SCAF4: variants seen among roughly 807,000 people sequenced by gnomAD.
The protein encoded by SCAF4 is SR-related CTD associated factor 4, also known as SR-related and CTD-associated factor 4.
Under a neutral mutation model 129.8 loss-of-function variants are expected in SCAF4, and 25 were observed. The ratio of observed to expected loss-of-function variants is 0.19; its 90% CI spans 0.14 to 0.27. The LOEUF is 0.27. Ranked by LOEUF, SCAF4 falls within the 10% of genes least tolerant of loss-of-function variation. The probability of loss-of-function intolerance (pLI) is 1.00; values close to 1 mark genes in which losing one functional copy is unlikely to be tolerated. For missense variants in SCAF4, 1,246 were observed against 1,457.1 expected (o/e 0.86, Z 2.36); for synonymous variants, 551 against 497.7 (o/e 1.11, Z -1.43).
chr21:31,671,588 G>A lies in SCAF4; in HGVS notation c.3255C>T (p.Asp1085=). The change falls in exon 20 of 20, where the codon GAC becomes GAT. Residue 1085 remains aspartate (D), a synonymous_variant. Coordinates refer to ENST00000286835, the MANE Select transcript of SCAF4 (RefSeq NM_020706.2). The part of the protein sequence containing the change: ...ARGKEKPEVT[D]RAGGNKTVEP... Reference sequence around the variant, plus strand: ...CAACGGTTTTGTTACCACCTGCCCTGTCTGTCACCTCAGGCTTTTCCTTTC... The same window carrying A: ...CAACGGTTTTGTTACCACCTGCCCTATCTGTCACCTCAGGCTTTTCCTTTC... 6 of 1,614,032 alleles carry A rather than the reference G, an allele frequency of 3.7e-6. No homozygotes were observed. Among genetic ancestry groups the A allele is most frequent in the South Asian group, 1.1e-5 (1 of 91,064 alleles).
chr21:31,702,148 C>T, intron 5 of SCAF4, 96 bp downstream of exon 5: 1 of 1,520,598 alleles, frequency 6.6e-7, no homozygotes, highest in Non-Finnish European at 9.0e-7. Flanking sequence ...AAGTTTCCTT[C>T]TTATAGAAAA....
At chr21:31,679,184 G>A (rs932445602) in intron 19 of SCAF4, among the ~76,000 whole-genome samples, 43 of 152,250 alleles carry the variant, frequency 2.8e-4, no homozygotes, top group African/African-American at 8.9e-4. Flanking sequence ...GTTCTTTGTT[G>A]CAGTTCCACC....
At chr21:31,694,071 C>T (rs1437503716) in intron 11 of SCAF4, 133 bp downstream of exon 11, 6 of 545,944 alleles carry the variant, frequency 1.1e-5, no homozygotes, top group South Asian at 2.9e-5. Context: ...CCCTTCTACA[C>T]ACATATACAA....
At chr21:31,703,272 T>C (rs940039549) in intron 4 of SCAF4, among the ~76,000 whole-genome samples, 3 of 152,142 alleles carry the variant, frequency 2.0e-5, no homozygotes, top group Non-Finnish European at 2.9e-5. Flanking sequence ...TCCAACGATA[T>C]CTTCTTTAAA....
intron 1 of SCAF4, among the ~76,000 whole-genome samples, chr21:31,707,038 G>A (rs1239952116): frequency 6.6e-6 from 1 of 152,044 alleles, no homozygotes; most frequent in Non-Finnish European, 1.5e-5. Context: ...TTTTTAAGAG[G>A]TAAAATCATT....
rs957245 is a variant in SCAF4, at chr21:31,699,975, C to T, written c.777+1020G>A. Among the ~76,000 whole-genome samples the T allele has an allele frequency of 9.2e-3, 1,391 of 151,992 alleles. 33 individuals are homozygous for T. The highest frequency in any genetic ancestry group is 0.032 in the African/African-American group (1,325 of 41,482). On this transcript the variant is annotated intron_variant, in intron 7 of 19. Transcript: ENST00000286835. ...ACTCAAATCCTCTTTTTTGTTGTTG[C>T]TTGTTTTTTAGAGACAGGATCTCAT...
At chr21:31,677,038 C>G (rs998954573) in intron 19 of SCAF4, among the ~76,000 whole-genome samples, 6 of 152,140 alleles carry the variant, frequency 3.9e-5, no homozygotes, top group Non-Finnish European at 7.3e-5. Context: ...TTTTTTATTA[C>G]TAATATTCCG....
intron 15 of SCAF4, among the ~76,000 whole-genome samples, chr21:31,689,668 G>A (rs1413177034): frequency 6.0e-5 from 9 of 150,904 alleles, no homozygotes; most frequent in East Asian, 4.0e-4. Flanking sequence ...GGTGGCTCAC[G>A]CCTGTAATCC....
chr21:31,731,445 C>T (rs533037072), intron 1 of SCAF4, among the ~76,000 whole-genome samples: 1 of 148,020 alleles, frequency 6.8e-6, no homozygotes, highest in Non-Finnish European at 1.5e-5. Flanking sequence ...GGTCGCGGTC[C>T]GGGGGTGGGC....
In SCAF4 at chr21:31,672,289, C is replaced by T. The variant is rs920391064; in HGVS notation, c.2554G>A (p.Ala852Thr). The T allele has an allele frequency of 5.0e-6, 8 of 1,613,722 alleles. No homozygotes were observed. Among genetic ancestry groups the T allele is most frequent in the Admixed American group, 1.7e-5 (1 of 59,990 alleles). Residue 852 changes from alanine (A) to threonine (T), a missense_variant, in exon 20 of 20, where the codon GCC becomes ACC. Ala to Thr is a moderately conservative substitution (Grantham distance 58, BLOSUM62 0). Coordinates refer to ENST00000286835, the MANE Select transcript of SCAF4 (RefSeq NM_020706.2). ...TGGAGTGGGATGAGACCGGGCCGGG[C>T]GCCAAGAAGACCAGTAGATGGTGCC... The part of the protein sequence containing the change: ...LQAPSTGLLG[A>T]RPGLIPLQRP...
At chr21:31,695,978 A>C (rs2050375134) in intron 9 of SCAF4, 135 bp downstream of exon 9, 2 of 521,264 alleles carry the variant, frequency 3.8e-6, no homozygotes, top group East Asian at 6.1e-5. Flanking sequence ...CAAAATAGTT[A>C]CGTGTTCAAC....
intron 7 of SCAF4, among the ~76,000 whole-genome samples, chr21:31,698,680 T>G (rs2050447063): frequency 6.6e-6 from 1 of 152,130 alleles, no homozygotes; most frequent in Non-Finnish European, 1.5e-5. Context: ...TGGGCCTCAA[T>G]CAATCAGTTG....
Position 31,687,437 on chromosome 21 carries a change from C to A in SCAF4, c.2043+870G>T, listed in dbSNP as rs1328960369. Among the ~76,000 whole-genome samples the A allele has an allele frequency of 4.6e-5, 7 of 151,906 alleles. No individual in the cohort carries two copies. In the East Asian group the frequency reaches 1.4e-3, roughly 29 times the overall value. On this transcript the variant is annotated intron_variant, in intron 16 of 19. Coordinates refer to ENST00000286835, the MANE Select transcript of SCAF4 (RefSeq NM_020706.2). The stretch of plus-strand genomic sequence containing the variant: ...TATAAGTGAAGTTACATGCCAAATA[C>A]CATACTGCTGAATATAAACAACAGA...
chr21:31,696,264 G>T, intron 8 of SCAF4, 43 bp from the exon 9 acceptor site: 1 of 1,459,724 alleles, frequency 6.9e-7, no homozygotes, highest in Non-Finnish European at 9.6e-7. Context: ...AAAAGCACAA[G>T]CTTCTCAGCC....
intron 19 of SCAF4, among the ~76,000 whole-genome samples, chr21:31,681,507 C>T (rs943635095): frequency 6.6e-6 from 1 of 152,108 alleles, no homozygotes; most frequent in African/African-American, 2.4e-5. Context: ...AACACAAACA[C>T]TTATACAGTA....
At chr21:31,719,784 G>A (rs1159544897) in intron 1 of SCAF4, among the ~76,000 whole-genome samples, 3 of 152,074 alleles carry the variant, frequency 2.0e-5, no homozygotes, top group African/African-American at 7.2e-5. Flanking sequence ...GATTACAGGC[G>A]TGAGCCACCG....
intron 15 of SCAF4, 105 bp from the exon 16 acceptor site, chr21:31,688,569 A>T (rs998556405): frequency 2.3e-5 from 20 of 869,582 alleles, no homozygotes; most frequent in Non-Finnish European, 3.3e-5. Context: ...CAGTTATTAA[A>T]GAAATTCCCA....
rs778967047 is a variant in SCAF4, at chr21:31,690,902, C to T, written c.1780G>A (p.Asp594Asn). The T allele has an allele frequency of 2.5e-6, 4 of 1,613,310 alleles. No homozygotes were observed. In the African/African-American group the frequency reaches 5.3e-5, roughly 21 times the overall value. Reference sequence around the variant, plus strand: ...ATATAAGTAACACCAAGTTCTACATCCCAATACTGCTTATAATCTGCCTTT... The same window carrying T: ...ATATAAGTAACACCAAGTTCTACATTCCAATACTGCTTATAATCTGCCTTT... The part of the protein sequence containing the change: ...GIKADYKQYW[D>N]VELGVTYIPW... The change falls in exon 15 of 20, where the codon GAT (aspartate) becomes AAT (asparagine). Residue 594 changes from aspartate (D) to asparagine (N), a missense_variant. By Grantham distance (23) the Asp-to-Asn change is conservative. This residue lies in a region of SCAF4 where 468 missense variants were observed against 605.5 expected (regional missense o/e 0.77). Transcript: ENST00000286835.
At chr21:31,718,655 G>A (rs1289014129) in intron 1 of SCAF4, among the ~76,000 whole-genome samples, 1 of 152,328 alleles carries the variant, frequency 6.6e-6, no homozygotes, top group Non-Finnish European at 1.5e-5. Flanking sequence ...TGCTCCGACT[G>A]AGCAGAGTCT....
Sources: gnomAD v4.1 joint callset for allele counts (sites outside exome capture counted in the v4.1 genomes callset) on GRCh38, gnomAD v4.1.1 for gene constraint, gnomAD v4.1.1 regional missense constraint, MANE v1.5 for transcripts, NCBI Gene and HGNC (gene_info 2026-07-23, HGNC 2026-07-21) for gene names.